Variants in VPS53 observed in about 807,000 individuals in gnomAD.
The protein encoded by VPS53 is VPS53 subunit of GARP complex, also known as vacuolar protein sorting-associated protein 53 homolog.
A neutral mutation model predicts 107.0 loss-of-function variants in VPS53; 70 were observed. The observed-to-expected ratio is 0.65, with a 90% CI of 0.54 to 0.80. The LOEUF (loss-of-function observed/expected upper bound fraction) is 0.80, where lower values mean the gene tolerates loss of function less well. Among genes scored for constraint, VPS53 ranks in the 30% least tolerant of loss-of-function variants. The probability of loss-of-function intolerance (pLI) is 0.00; values close to 1 mark genes in which losing one functional copy is unlikely to be tolerated. For missense variants in VPS53, 917 were observed against 1,049.4 expected, an observed-to-expected ratio of 0.87 and a Z score of 1.74; for synonymous variants, 409 against 393.3, an observed-to-expected ratio of 1.04 and a Z score of -0.47.
chr17:707,956 G>A (rs186911210), intron 2 of VPS53, among the ~76,000 whole-genome samples: 1 of 152,144 alleles, frequency 6.6e-6, no homozygotes, highest in East Asian at 1.9e-4. Flanking sequence ...CAGGATCCTT[G>A]CTCTCCCTCC....
chr17:640,906 G>C (rs905451707), intron 7 of VPS53, among the ~76,000 whole-genome samples: 1 of 152,070 alleles, frequency 6.6e-6, no homozygotes, highest in Non-Finnish European at 1.5e-5. Flanking sequence ...CCAGGCTGGA[G>C]TGCAATGGGA....
chr17:577,196 C>G (rs72477032), intron 13 of VPS53, among the ~76,000 whole-genome samples: 1 of 149,714 alleles, frequency 6.7e-6, no homozygotes, highest in East Asian at 2.0e-4. Flanking sequence ...TCCCTCAGGA[C>G]GTCAATGCGT....
chr17:521,545 C>T (rs1171037803), intron 20 of VPS53, 56 bp downstream of exon 20: 1 of 1,473,646 alleles, frequency 6.8e-7, no homozygotes, highest in East Asian at 2.6e-5. Context: ...AAAACCAAGG[C>T]TTCTCAGAAA....
rs58913512 is a variant in VPS53 at position 655,549 on chromosome 17, ACT to A, written c.488+287_488+288del. ...CCTGGAGTGAATATGGCCCTGTGTC[ACT>A]CTGTCTGCCTTGATGGTACAGAGCC... is the stretch of plus-strand genomic sequence containing the variant. On this transcript the variant is annotated intron_variant, in intron 6 of 21. Transcript: ENST00000437048. Among the ~76,000 whole-genome samples the A allele has an allele frequency of 0.17, 25,271 of 151,476 alleles. 2,725 individuals are homozygous for A. Among genetic ancestry groups the A allele is most frequent in the Admixed American group, 0.29 (4,475 of 15,204 alleles).
rs1300412738 is a variant in VPS53 at position 560,553 on chromosome 17, C to T, written c.1577G>A (p.Gly526Glu). The T allele has an allele frequency of 6.2e-7, 1 of 1,614,064 alleles. No individual in the cohort carries two copies. The highest frequency in any genetic ancestry group is 8.5e-7 in the Non-Finnish European group (1 of 1,179,996). Residue 526 changes from glycine to glutamate, a missense_variant, in exon 15 of 22, where the codon GGA (glycine) becomes GAA (glutamate). Transcript: ENST00000437048. Reference sequence around the variant, plus strand: ...CTTGAGGAGGCTGCTGATAGTCAGTCCTCCACTGCTGGTTGTGGTTCTGAA... The same window carrying T: ...CTTGAGGAGGCTGCTGATAGTCAGTTCTCCACTGCTGGTTGTGGTTCTGAA... ...NLPKTTTSSG[G>E]LTISSLLKEK...
intron 4 of VPS53, among the ~76,000 whole-genome samples, chr17:680,507 CTT>C (rs1972349740): frequency 6.6e-6 from 1 of 151,844 alleles, no homozygotes; most frequent in South Asian, 2.1e-4. Flanking sequence ...GAAAAAAAAA[CTT>C]AAACAAATCA....
chr17:593,624 A>T (rs189214995), intron 12 of VPS53, among the ~76,000 whole-genome samples: 131 of 152,368 alleles, frequency 8.6e-4, no homozygotes, highest in Middle Eastern at 3.4e-3. Flanking sequence ...ATTTCACACC[A>T]GTTAGAATGG....
At chr17:576,601 G>C (rs1914634242) in intron 13 of VPS53, among the ~76,000 whole-genome samples, 1 of 149,694 alleles carries the variant, frequency 6.7e-6, no homozygotes, top group South Asian at 2.1e-4. Context: ...CATTCCCAGA[G>C]AACTTCCCAC....
Position 673,572 on chromosome 17 carries a change from A to G in VPS53, c.286-11677T>C, listed in dbSNP as rs538647699. On this transcript the variant is annotated intron_variant, in intron 4 of 21. Coordinates refer to ENST00000437048, the MANE Select transcript of VPS53 (RefSeq NM_001128159.3). ...CAGCCACAGATGGCTGCACGTCTAC[A>G]GCTCTTTGCTTCCCTACGTGTCCGA... 7 of 152,352 alleles carry G rather than the reference A, an allele frequency of 4.6e-5. No homozygotes were observed. The East Asian group carries it at 1.3e-3, about 29-fold the overall frequency. The allele number at this position is 152,352 out of a possible 1,614,324, so 9.4% of individuals were successfully genotyped here.
Position 623,660 on chromosome 17 carries a change from T to G in VPS53, c.989A>C (p.Lys330Thr). ...FCHVTRAELAKIMRTRAKEIE... is the reference protein window; with the variant it reads ...FCHVTRAELATIMRTRAKEIE... The stretch of plus-strand genomic sequence containing the variant: ...TTCCTTCGCTCTGGTACGCATAATC[T>G]TGGCAAGTTCTGCCCTTCAAAACAA... Residue 330 changes from lysine (K) to threonine (T), a missense_variant, in exon 11 of 22, where the codon AAG becomes ACG. Physicochemically the swap from Lys to Thr is moderately conservative, Grantham distance 78. Coordinates refer to ENST00000437048, the MANE Select transcript of VPS53 (RefSeq NM_001128159.3). 6.2e-7 allele frequency: 1 copy of G among 1,612,618 alleles called. No homozygotes were observed. Among genetic ancestry groups the G allele is most frequent in the Non-Finnish European group, 8.5e-7 (1 of 1,178,812 alleles).
intron 13 of VPS53, among the ~76,000 whole-genome samples, chr17:585,030 A>G (rs1967238628): frequency 6.6e-6 from 1 of 152,252 alleles, no homozygotes; most frequent in Non-Finnish European, 1.5e-5. Flanking sequence ...GTCAGGAATC[A>G]ATCAAGGGAT....
intron 11 of VPS53, among the ~76,000 whole-genome samples, chr17:614,179 G>A (rs11247555): frequency 0.32 from 48,885 of 152,050 alleles, 7,987 homozygotes; most frequent in Admixed American, 0.38. Context: ...ATGTCCTGGA[G>A]TTGCACAGCT....
At chr17:652,917 G>A (rs1971013761) in intron 7 of VPS53, among the ~76,000 whole-genome samples, 1 of 152,204 alleles carries the variant, frequency 6.6e-6, no homozygotes, top group Non-Finnish European at 1.5e-5. Context: ...GTTAGATCAG[G>A]TAGCATCTGA....
intron 15 of VPS53, 106 bp from the exon 16 acceptor site, chr17:553,568 C>A: frequency 2.5e-6 from 2 of 804,472 alleles, no homozygotes; most frequent in Non-Finnish European, 3.8e-6. Context: ...GGCATAATTC[C>A]ATACACTTTT....
chr17:688,033 T>C (rs1463433884), intron 4 of VPS53, among the ~76,000 whole-genome samples: 2 of 152,212 alleles, frequency 1.3e-5, no homozygotes, highest in Non-Finnish European at 2.9e-5. Context: ...AAGATAGCTA[T>C]TTGGATTCCT....
chr17:526,134 A>G (rs1597245502), intron 19 of VPS53, among the ~76,000 whole-genome samples: 2 of 151,958 alleles, frequency 1.3e-5, no homozygotes, highest in African/African-American at 4.8e-5. Flanking sequence ...TTTAAAGACT[A>G]CCATTCAGGA....
chr17:682,086 C>A (rs1292564059), intron 4 of VPS53, among the ~76,000 whole-genome samples: 1 of 152,110 alleles, frequency 6.6e-6, no homozygotes, highest in East Asian at 1.9e-4. Flanking sequence ...ATTTTAATAC[C>A]CATTTCTTAG....
At chr17:686,512 G>A (rs1972591178) in intron 4 of VPS53, among the ~76,000 whole-genome samples, 1 of 152,234 alleles carries the variant, frequency 6.6e-6, no homozygotes, top group Non-Finnish European at 1.5e-5. Context: ...GACAGGACAA[G>A]AGAAATGAAC....
At position 645,064 on chromosome 17, in the gene VPS53, G is replaced by A. The variant is rs191557759; in HGVS notation, c.608+8227C>T. Among the ~76,000 whole-genome samples the A allele has an allele frequency of 1.8e-3, 279 of 152,252 alleles. 1 individual carries two copies. Among genetic ancestry groups the A allele is most frequent in the African/African-American group, 6.5e-3 (268 of 41,536 alleles). ...AGAATGTTGGACTTTCTATTTTTCA[G>A]GAATGTGATTATAACAGTGATTATT... is the stretch of plus-strand genomic sequence containing the variant. On this transcript the variant is annotated intron_variant, in intron 7 of 21. Coordinates refer to ENST00000437048, the MANE Select transcript of VPS53 (RefSeq NM_001128159.3).
Sources: gnomAD v4.1 joint callset for allele counts (sites outside exome capture counted in the v4.1 genomes callset) on GRCh38, gnomAD v4.1.1 for gene constraint, MANE v1.5 for transcripts, NCBI Gene and HGNC (gene_info 2026-07-23, HGNC 2026-07-21) for gene names.